The following ITGAD variants were observed in gnomAD, a reference collection of about 807,000 sequenced individuals.
The protein encoded by ITGAD is integrin alpha-D.
ITGAD carries 105 observed loss-of-function variants against 139.0 expected under a neutral mutation model. That is an observed-to-expected ratio of 0.76 (90% CI 0.65 to 0.89). ITGAD has a LOEUF of 0.89. Among genes scored for constraint, ITGAD ranks in the 40% least tolerant of loss-of-function variants. The pLI is 0.00. For missense variants in ITGAD, 1,384 were observed against 1,487.3 expected, an observed-to-expected ratio of 0.93 and a Z score of 1.14; for synonymous variants, 569 against 598.3, an observed-to-expected ratio of 0.95 and a Z score of 0.71.
In ITGAD at chr16:31,393,499, A is replaced by G. The variant is rs1555481182; in HGVS notation, c.31+108A>G. The stretch of plus-strand genomic sequence containing the variant: ...GTCGGCTCCAACCACTCTTATGAGG[A>G]GCTGAGGCAGGGGAGTGCTTCATGT... On this transcript the variant is annotated intron_variant, in intron 1 of 29. Transcript: ENST00000389202. 3.5e-5 allele frequency: 42 copies of G among 1,194,300 alleles called. 2 individuals carry two copies. In the South Asian group the frequency reaches 5.2e-4, roughly 15 times the overall value. The allele number at this position is 1,194,300 out of a possible 1,614,324, so 74.0% of individuals were successfully genotyped here.
chr16:31,406,974 G>A (rs982844841), intron 7 of ITGAD, among the ~76,000 whole-genome samples: 1 of 152,226 alleles, frequency 6.6e-6, no homozygotes, highest in Non-Finnish European at 1.5e-5. Context: ...CTCTGGGGAA[G>A]AGAGTTCAGC....
chr16:31,414,734 A>C, intron 17 of ITGAD, 126 bp from the exon 18 acceptor site: 1 of 1,547,868 alleles, frequency 6.5e-7, no homozygotes, highest in Non-Finnish European at 8.8e-7. Flanking sequence ...ACATTAGGGC[A>C]GGAGAACCTG....
chr16:31,418,131 T>C lies in ITGAD; in HGVS notation c.2556T>C (p.Asp852=). 6.2e-7 allele frequency: 1 copy of C among 1,614,072 alleles called. No homozygotes were observed. The highest frequency in any genetic ancestry group is 2.2e-5 in the East Asian group (1 of 44,876). ...CATGTGAGACAGTGCCCACTGAGGA[T>C]GAGGGCCTAAGAAGCAGCCGCTGCA... ...RLACETVPTE[D]EGLRSSRCSV... The change falls in exon 21 of 30, where the codon GAT becomes GAC. Residue 852 remains aspartate, a synonymous_variant. Transcript: ENST00000389202.
chr16:31,423,677 A>G, intron 26 of ITGAD, 29 bp downstream of exon 26: 1 of 1,597,974 alleles, frequency 6.3e-7, no homozygotes, highest in Non-Finnish European at 8.6e-7. Flanking sequence ...CCCCACCGCC[A>G]AGATCAGCCC....
Position 31,416,593 on chromosome 16 carries a change from GTCAGCC to G in ITGAD, c.2449_2454del (p.Ser817_Leu818del). On this transcript the variant is annotated inframe_deletion, in exon 20 of 30. Coordinates refer to ENST00000389202, the MANE Select transcript of ITGAD (RefSeq NM_005353.3). ...AGGTGAGGATTCCTACGGAACCGTG[GTCAGCC>G]TCTACTATCCAGCAGGGCTGTCGCA... The G allele has an allele frequency of 1.2e-6, 2 of 1,613,908 alleles. No homozygotes were observed. The highest frequency in any genetic ancestry group is 8.5e-7 in the Non-Finnish European group (1 of 1,179,852).
Position 31,423,615 on chromosome 16 carries a change from C to T in ITGAD, c.3012C>T (p.Asp1004=). The T allele has an allele frequency of 6.2e-7, 1 of 1,614,168 alleles. No homozygotes were observed. The highest frequency in any genetic ancestry group is 1.7e-5 in the Admixed American group (1 of 60,020). The change falls in exon 26 of 30, where the codon GAC becomes GAT. Residue 1004 remains aspartate (D), a synonymous_variant. Coordinates refer to ENST00000389202, the MANE Select transcript of ITGAD (RefSeq NM_005353.3). The part of the protein sequence containing the change: ...VSERKPPQHS[D]FLTQISRSPM... ...AGAGAAAACCTCCCCAGCATTCTGA[C>T]TTCCTGACCCAGATTTCAAGAAGTC...
chr16:31,403,597 T>C lies in ITGAD; in HGVS notation c.656T>C (p.Val219Ala). 1 of 1,614,100 alleles carries C rather than the reference T, an allele frequency of 6.2e-7. No individual in the cohort carries two copies. Among genetic ancestry groups the C allele is most frequent in the Non-Finnish European group, 8.5e-7 (1 of 1,180,018 alleles). ...CAGCAGAGCCTGGTGGATCCCATCGTCCAACTGAAAGGCCTGACGTTCACG... is the reference window on the plus strand; with the variant it reads ...CAGCAGAGCCTGGTGGATCCCATCGCCCAACTGAAAGGCCTGACGTTCACG... ...PSQQSLVDPI[V>A]QLKGLTFTAT... The change falls in exon 7 of 30, where the codon GTC becomes GCC. Residue 219 changes from valine to alanine, a missense_variant. Transcript: ENST00000389202. This position sits in a 1 kb window ranked among gnomAD's most constrained non-coding sequence, Gnocchi z 4.4.
chr16:31,416,183 A>T (rs903612699), intron 18 of ITGAD, 30 bp from the exon 19 acceptor site: 12 of 1,561,118 alleles, frequency 7.7e-6, no homozygotes, highest in Non-Finnish European at 1.1e-5. Flanking sequence ...AAGATGTCAG[A>T]TGGGAACAGA....
At position 31,423,950 on chromosome 16, in the gene ITGAD, G is replaced by T; in HGVS notation, c.3151G>T (p.Val1051Phe). 6.2e-7 allele frequency: 1 copy of T among 1,614,138 alleles called. No homozygotes were observed. Among genetic ancestry groups the T allele is most frequent in the Non-Finnish European group, 8.5e-7 (1 of 1,180,018 alleles). ...TLKGNLSFGW[V>F]RETLQKKVLV... ...GAAGGGCAATCTCAGTTTCGGCTGG[G>T]TCCGCGAGGTGTGTGGGGGCAGCGG... Residue 1051 changes from valine to phenylalanine, a missense_variant, in exon 27 of 30, where the codon GTC becomes TTC. By Grantham distance (50) the Val-to-Phe change is conservative (BLOSUM62 -1). Transcript: ENST00000389202.
intron 9 of ITGAD, 59 bp downstream of exon 9, chr16:31,407,975 C>A (rs1394385633): frequency 2.7e-6 from 4 of 1,485,072 alleles, no homozygotes; most frequent in Non-Finnish European, 3.6e-6. Flanking sequence ...TTGTCCCGTG[C>A]AGGCTTTTTT....
intron 5 of ITGAD, among the ~76,000 whole-genome samples, chr16:31,400,004 G>C (rs545118352): frequency 6.6e-6 from 1 of 152,322 alleles, no homozygotes; most frequent in East Asian, 1.9e-4. Context: ...ATAAGTCCAG[G>C]CTTCTGCTAG....
At position 31,426,173 on chromosome 16, in the gene ITGAD, C is replaced by A; in HGVS notation, c.*45C>A. ...TCTCTACCACTGTGGGCTGGACTTG[C>A]TTGCAACCATAAATCAACTTACATG... On this transcript the variant is annotated 3_prime_UTR_variant, in exon 30 of 30. Coordinates refer to ENST00000389202, the MANE Select transcript of ITGAD (RefSeq NM_005353.3). The A allele has an allele frequency of 7.6e-7, 1 of 1,311,836 alleles. No homozygotes were observed. Among genetic ancestry groups the A allele is most frequent in the Non-Finnish European group, 1.1e-6 (1 of 915,092 alleles). 81.3% of individuals were successfully genotyped at this position (1,311,836 alleles called of 1,614,324 possible). A position where few individuals can be genotyped will look rare whatever the true frequency, so the allele number is the denominator to read the frequency against.
intron 17 of ITGAD, 74 bp downstream of exon 17, chr16:31,414,679 C>G: frequency 6.3e-7 from 1 of 1,590,698 alleles, no homozygotes; most frequent in South Asian, 1.1e-5. Flanking sequence ...CCGTTCTCTG[C>G]TGAGCGAGGT....
chr16:31,401,518 AC>A (rs1420114306), intron 5 of ITGAD, among the ~76,000 whole-genome samples: 1 of 151,754 alleles, frequency 6.6e-6, no homozygotes, highest in Non-Finnish European at 1.5e-5. Context: ...TCCCTGCCCC[AC>A]CCCCACAGCA....
chr16:31,408,569 G>A, intron 10 of ITGAD, 71 bp downstream of exon 10: 1 of 1,381,100 alleles, frequency 7.2e-7, no homozygotes, highest in South Asian at 1.2e-5. Context: ...CTGGGGGCTG[G>A]GAGCCAGACA....
chr16:31,408,398 G>T, intron 9 of ITGAD, 27 bp from the exon 10 acceptor site: 1 of 1,605,300 alleles, frequency 6.2e-7, no homozygotes. Flanking sequence ...TGGCTTCTAG[G>T]AACTTCACTG....
chr16:31,423,517 C>T lies in ITGAD; in HGVS notation c.2968-54C>T, dbSNP rs1055031635. 4.4e-6 allele frequency: 7 copies of T among 1,598,158 alleles called. No homozygotes were observed. In the African/African-American group the frequency reaches 8.0e-5, roughly 18 times the overall value. ...GACATCCCACAGCACAGCACTCCCTCTTACCAGGGACATGTTGCTCATTCT... is the reference window on the plus strand; with the variant it reads ...GACATCCCACAGCACAGCACTCCCTTTTACCAGGGACATGTTGCTCATTCT... On this transcript the variant is annotated intron_variant, in intron 25 of 29. Transcript: ENST00000389202.
chr16:31,403,857 A>T lies in ITGAD; in HGVS notation c.704+212A>T. On this transcript the variant is annotated intron_variant, in intron 7 of 29. Coordinates refer to ENST00000389202, the MANE Select transcript of ITGAD (RefSeq NM_005353.3). This position sits in a 1 kb window ranked among gnomAD's most constrained non-coding sequence, Gnocchi z 4.4. ...TATAGGACTAGGCTCCTCTGCAGCTATGCCTCCCCTTTGCCTGGTTCTGCA... is the reference window on the plus strand; with the variant it reads ...TATAGGACTAGGCTCCTCTGCAGCTTTGCCTCCCCTTTGCCTGGTTCTGCA... 1 of 578,758 alleles carries T rather than the reference A, an allele frequency of 1.7e-6. No homozygotes were observed. Among genetic ancestry groups the T allele is most frequent in the South Asian group, 2.1e-5 (1 of 48,096 alleles). The allele number at this position is 578,758 out of a possible 1,614,324, so 35.9% of individuals were successfully genotyped here.
intron 23 of ITGAD, among the ~76,000 whole-genome samples, chr16:31,421,042 G>A (rs1223473437): frequency 6.6e-6 from 1 of 152,136 alleles, no homozygotes; most frequent in Non-Finnish European, 1.5e-5. Flanking sequence ...GTTTTATGTT[G>A]CTGTTGTTTT....
Sources: allele counts gnomAD v4.1 joint callset (sites outside exome capture counted in the v4.1 genomes callset), GRCh38; gene constraint gnomAD v4.1.1; non-coding constraint Gnocchi (gnomAD v3.1); transcripts MANE v1.5; gene names NCBI Gene and HGNC (gene_info 2026-07-23, HGNC 2026-07-21).